DSCAM: variants seen among roughly 807,000 people sequenced by gnomAD.
DSCAM encodes the protein DS cell adhesion molecule, also known as cell adhesion molecule DSCAM.
In DSCAM, 47 loss-of-function variants were observed where a neutral mutation model predicts 217.7. The ratio of observed to expected loss-of-function variants is 0.22; its 90% CI spans 0.17 to 0.28. The LOEUF (loss-of-function observed/expected upper bound fraction) is 0.28. DSCAM is among the 10% of genes least tolerant of loss of function. The probability of loss-of-function intolerance (pLI) is 1.00; values close to 1 mark genes in which losing one functional copy is unlikely to be tolerated. For missense variants in DSCAM, 2,080 were observed against 2,618.3 expected, an observed-to-expected ratio of 0.79 and a Z score of 4.49; for synonymous variants, 1,056 against 1,015.3, an observed-to-expected ratio of 1.04 and a Z score of -0.76.
chr21:40,771,964 TA>T (rs1258092922), intron 1 of DSCAM, among the ~76,000 whole-genome samples: 1 of 152,236 alleles, frequency 6.6e-6, no homozygotes, highest in Non-Finnish European at 1.5e-5. Context: ...TATTATTTCA[TA>T]AAATGTGAAT....
chr21:40,425,606 G>C (rs960385611), intron 3 of DSCAM, among the ~76,000 whole-genome samples: 3 of 146,012 alleles, frequency 2.1e-5, no homozygotes, highest in African/African-American at 7.6e-5. Flanking sequence ...AGTTGTTCAG[G>C]AGGCTGATAC....
intron 11 of DSCAM, 30 bp from the exon 12 acceptor site, chr21:40,189,268 C>A: frequency 6.7e-7 from 1 of 1,502,644 alleles, no homozygotes; most frequent in South Asian, 1.4e-5. Context: ...ACAACTTGTT[C>A]AGCAAAGCAG....
intron 1 of DSCAM, among the ~76,000 whole-genome samples, chr21:40,746,095 GA>G (rs1021997415): frequency 3.9e-4 from 57 of 147,286 alleles, no homozygotes; most frequent in East Asian, 2.8e-3. Context: ...CATACTACTA[GA>G]AAAAAAAAAT....
chr21:40,603,912 C>CT (rs2077081594), intron 3 of DSCAM, among the ~76,000 whole-genome samples: 1 of 130,440 alleles, frequency 7.7e-6, no homozygotes, highest in Admixed American at 8.1e-5. Flanking sequence ...TAGGTGTAGA[C>CT]TTTTTTGCAT....
At chr21:40,021,280 T>G in intron 32 of DSCAM, among the ~76,000 whole-genome samples, 1 of 135,646 alleles carries the variant, frequency 7.4e-6, no homozygotes, top group Non-Finnish European at 1.6e-5. Context: ...AGAGACAGAG[T>G]CACAAATAGA....
At chr21:40,083,204 G>A (rs548583498) in intron 24 of DSCAM, among the ~76,000 whole-genome samples, 29 of 152,306 alleles carry the variant, frequency 1.9e-4, no homozygotes, top group South Asian at 6.2e-4. Flanking sequence ...CGAGGTGAGC[G>A]GATCACCTGA....
chr21:40,334,880 C>T (rs1332868490), intron 8 of DSCAM, among the ~76,000 whole-genome samples: 2 of 151,946 alleles, frequency 1.3e-5, no homozygotes, highest in African/African-American at 2.4e-5. Context: ...CAATAAAGCC[C>T]CCATCTCACT....
chr21:40,763,255 C>G (rs972777576), intron 1 of DSCAM, among the ~76,000 whole-genome samples: 2 of 152,132 alleles, frequency 1.3e-5, no homozygotes, highest in African/African-American at 2.4e-5. Flanking sequence ...TCTCAGGATA[C>G]AAAATCAATG....
chr21:40,357,865 A>AAAC (rs1555909197), intron 4 of DSCAM, among the ~76,000 whole-genome samples: 1 of 151,894 alleles, frequency 6.6e-6, no homozygotes, highest in Non-Finnish European at 1.5e-5. Context: ...GTATAATAAA[A>AAAC]AAAAACAAAA....
At chr21:40,040,987 AG>A (rs1333275762) in intron 32 of DSCAM, among the ~76,000 whole-genome samples, 8 of 152,188 alleles carry the variant, frequency 5.3e-5, no homozygotes, top group African/African-American at 1.9e-4. Flanking sequence ...TTTTCCCCTA[AG>A]GAGGTAGACA....
rs1375541923 is a variant in DSCAM at position 40,142,687 on chromosome 21, C to CG, written c.3276dup (p.Glu1093ArgfsTer47). 3.7e-6 allele frequency: 6 copies of CG among 1,613,470 alleles called. No homozygotes were observed. Among genetic ancestry groups the CG allele is most frequent in the Non-Finnish European group, 3.4e-6 (4 of 1,179,836 alleles). ...GATGTTGCTATGGCTTGGACATTTT[C>CG]GGGGGGGTAACTGGGCACTGAAATC... On this transcript the variant is annotated frameshift_variant, in exon 18 of 33. Coordinates refer to ENST00000400454, the MANE Select transcript of DSCAM (RefSeq NM_001389.5). LOFTEE classifies it high-confidence loss of function.
At chr21:40,062,473 G>A (rs892173557) in intron 28 of DSCAM, among the ~76,000 whole-genome samples, 14 of 152,192 alleles carry the variant, frequency 9.2e-5, no homozygotes, top group African/African-American at 3.4e-4. Context: ...AGAGCATGGG[G>A]CATAGCACAT....
intron 11 of DSCAM, among the ~76,000 whole-genome samples, chr21:40,224,963 T>C (rs549909774): frequency 3.9e-4 from 60 of 152,332 alleles, no homozygotes; most frequent in African/African-American, 1.4e-3. Context: ...TTGATAAAAA[T>C]GTAAGTTGGT....
rs12626576 is a variant in DSCAM at position 40,286,411 on chromosome 21, C to T, written c.2182+9644G>A. On this transcript the variant is annotated intron_variant, in intron 10 of 32. Transcript: ENST00000400454. ...TGGGGGCACTCAGGCACGAGGCTGG[C>T]GCAGAGTGAAACATGCAAGGGCATA... Among the ~76,000 whole-genome samples the T allele has an allele frequency of 9.2e-5, 14 of 151,940 alleles. No individual in the cohort carries two copies. The East Asian group carries it at 1.9e-3, about 21-fold the overall frequency.
intron 3 of DSCAM, among the ~76,000 whole-genome samples, chr21:40,593,469 G>GC (rs1165457813): frequency 6.6e-6 from 1 of 152,010 alleles, no homozygotes; most frequent in Non-Finnish European, 1.5e-5. Context: ...GGGTCTACAG[G>GC]CATGCTCCAC....
intron 20 of DSCAM, among the ~76,000 whole-genome samples, chr21:40,116,411 T>C (rs190101151): frequency 2.2e-4 from 33 of 152,332 alleles, no homozygotes; most frequent in African/African-American, 7.2e-4. Context: ...AGAAATTTTA[T>C]AAAACCAGAA....
intron 1 of DSCAM, among the ~76,000 whole-genome samples, chr21:40,836,760 G>T (rs1237538669): frequency 6.6e-6 from 1 of 152,158 alleles, no homozygotes; most frequent in East Asian, 1.9e-4. Context: ...ATACACCAAG[G>T]CTACAGAATC....
chr21:40,527,042 C>A (rs1266236501), intron 3 of DSCAM, among the ~76,000 whole-genome samples: 1 of 152,102 alleles, frequency 6.6e-6, no homozygotes, highest in Non-Finnish European at 1.5e-5. Flanking sequence ...TCTGATCTTT[C>A]CAAGCAGGTG....
intron 1 of DSCAM, among the ~76,000 whole-genome samples, chr21:40,725,420 G>A (rs958537089): frequency 4.6e-5 from 7 of 152,132 alleles, no homozygotes; most frequent in Non-Finnish European, 8.8e-5. Flanking sequence ...GAGGACATTG[G>A]GGAATACTGC....
Sources: gnomAD v4.1 joint callset for allele counts (sites outside exome capture counted in the v4.1 genomes callset) on GRCh38, gnomAD v4.1.1 for gene constraint, MANE v1.5 for transcripts, NCBI Gene and HGNC (gene_info 2026-07-23, HGNC 2026-07-21) for gene names.